DOCK2: variants seen among roughly 807,000 people sequenced by gnomAD.
DOCK2 encodes dedicator of cytokinesis 2.
DOCK2 carries 87 observed loss-of-function variants against 248.9 expected under a neutral mutation model. The observed-to-expected ratio is 0.35, with a 90% CI of 0.29 to 0.42. DOCK2 has a LOEUF of 0.42. Ranked by LOEUF, DOCK2 falls within the 10% of genes least tolerant of loss-of-function variation. The pLI, the probability that DOCK2 is intolerant of heterozygous loss-of-function variation, is 1.00. For missense variants in DOCK2, 1,747 were observed against 2,300.2 expected (o/e 0.76, Z 4.92); for synonymous variants, 805 against 821.6 (o/e 0.98, Z 0.35).
intron 27 of DOCK2, among the ~76,000 whole-genome samples, chr5:169,907,268 G>T (rs1774335108): frequency 6.6e-6 from 1 of 152,210 alleles, no homozygotes; most frequent in African/African-American, 2.4e-5. Flanking sequence ...ATACAGCGAT[G>T]TGCCCAAGTC....
At chr5:169,647,634 G>T (rs1705576761) in intron 1 of DOCK2, among the ~76,000 whole-genome samples, 1 of 152,090 alleles carries the variant, frequency 6.6e-6, no homozygotes, top group Non-Finnish European at 1.5e-5. Context: ...AGATGGCCCT[G>T]CCATTCATCC....
chr5:169,929,545 T>C (rs1375709594), intron 27 of DOCK2, among the ~76,000 whole-genome samples: 1 of 151,998 alleles, frequency 6.6e-6, no homozygotes, highest in Admixed American at 6.6e-5. Flanking sequence ...GAAAACAGCC[T>C]GGGCAACATG....
At chr5:169,857,748 GA>G (rs1770976875) in intron 27 of DOCK2, among the ~76,000 whole-genome samples, 5 of 147,260 alleles carry the variant, frequency 3.4e-5, no homozygotes, top group Admixed American at 2.7e-4. Context: ...AAAAAAAAAA[GA>G]AAAAAGAAAA....
Position 169,637,296 on chromosome 5 carries a change from C to T in DOCK2, c.-31C>T. 7.0e-7 allele frequency: 1 copy of T among 1,432,280 alleles called. No homozygotes were observed. The highest frequency in any genetic ancestry group is 9.1e-7 in the Non-Finnish European group (1 of 1,096,994). The allele number at this position is 1,432,280 out of a possible 1,614,324, so 88.7% of individuals were successfully genotyped here. A position where few individuals can be genotyped will look rare whatever the true frequency, so the allele number is the denominator to read the frequency against. ...GCCCAGCCACCCCCTGACGGCTTCC[C>T]CACGGGAGGACGCGAGGCCCCGGCC... is the stretch of plus-strand genomic sequence containing the variant. On this transcript the variant is annotated 5_prime_UTR_variant, in exon 1 of 52. Transcript: ENST00000520908.
At chr5:169,995,721 TTC>T (rs1251171694) in intron 29 of DOCK2, among the ~76,000 whole-genome samples, 1 of 152,222 alleles carries the variant, frequency 6.6e-6, no homozygotes. Flanking sequence ...GATGACAGTT[TTC>T]GTTAGGTGAT....
At chr5:170,041,977 C>A in intron 37 of DOCK2, 36 bp from the exon 38 acceptor site, 1 of 1,607,412 alleles carries the variant, frequency 6.2e-7, no homozygotes, top group South Asian at 1.1e-5. Context: ...GGCAGCCTCT[C>A]GGCCCTGTGT....
At chr5:169,658,491 A>G (rs998084995) in intron 2 of DOCK2, among the ~76,000 whole-genome samples, 8 of 151,332 alleles carry the variant, frequency 5.3e-5, no homozygotes, top group African/African-American at 1.9e-4. Flanking sequence ...AAAAAAAAAA[A>G]AAAAAAAAAA....
intron 27 of DOCK2, among the ~76,000 whole-genome samples, chr5:169,913,940 A>G (rs1216145937): frequency 2.0e-5 from 3 of 152,198 alleles, no homozygotes; most frequent in East Asian, 1.9e-4. Context: ...GATTGTGTCC[A>G]TTTCTACAGA....
At chr5:169,687,639 A>T (rs939152417) in intron 8 of DOCK2, among the ~76,000 whole-genome samples, 1 of 152,226 alleles carries the variant, frequency 6.6e-6, no homozygotes, top group African/African-American at 2.4e-5. Context: ...GGAAAATCTG[A>T]TGACTCAACT....
rs538066686 is a variant in DOCK2, at chr5:169,836,710, T to C, written c.2704-4047T>C. On this transcript the variant is annotated intron_variant, in intron 26 of 51. Coordinates refer to ENST00000520908, the MANE Select transcript of DOCK2 (RefSeq NM_004946.3). Reference sequence around the variant, plus strand: ...TAAGTAGATACTGTTTGCTGCCTGCTCTGACCTGAAGATTTTCCTCTTTGT... The same window carrying C: ...TAAGTAGATACTGTTTGCTGCCTGCCCTGACCTGAAGATTTTCCTCTTTGT... Among the ~76,000 whole-genome samples, 28 of 152,292 alleles carry C rather than the reference T, an allele frequency of 1.8e-4. 1 individual carries two copies. In the South Asian group the frequency reaches 5.6e-3, roughly 30 times the overall value.
chr5:170,077,645 G>T, intron 47 of DOCK2, 65 bp from the exon 48 acceptor site: 2 of 1,595,684 alleles, frequency 1.3e-6, no homozygotes, highest in South Asian at 2.3e-5. Flanking sequence ...GGAAGAAGGT[G>T]ACAGGAAGGC....
chr5:169,824,942 A>G (rs1188704404), intron 26 of DOCK2, among the ~76,000 whole-genome samples: 2 of 152,192 alleles, frequency 1.3e-5, no homozygotes, highest in African/African-American at 4.8e-5. Flanking sequence ...AAACAACCCC[A>G]TCAACAAGTG....
chr5:169,677,874 A>C (rs1342414724), intron 6 of DOCK2, among the ~76,000 whole-genome samples: 1 of 152,184 alleles, frequency 6.6e-6, no homozygotes, highest in East Asian at 1.9e-4. Context: ...CAGGGGTTTC[A>C]AAAAGGGAAG....
intron 27 of DOCK2, 36 bp downstream of exon 27, chr5:169,840,888 G>C: frequency 6.2e-7 from 1 of 1,601,758 alleles, no homozygotes; most frequent in African/African-American, 1.3e-5. Flanking sequence ...AATGTTGCAA[G>C]CTCTTCAGCA....
At chr5:169,639,744 G>A (rs1232598208) in intron 1 of DOCK2, among the ~76,000 whole-genome samples, 1 of 152,198 alleles carries the variant, frequency 6.6e-6, no homozygotes, top group African/African-American at 2.4e-5. Context: ...TAGCTGCAAG[G>A]GAAGCTAGGA....
chr5:169,720,550 C>G (rs1410463771), intron 22 of DOCK2, among the ~76,000 whole-genome samples: 1 of 152,006 alleles, frequency 6.6e-6, no homozygotes, highest in African/African-American at 2.4e-5. Context: ...GAAGCTCAGA[C>G]AACCAGCTGC....
intron 30 of DOCK2, among the ~76,000 whole-genome samples, chr5:169,999,762 C>T (rs1204137164): frequency 6.6e-6 from 1 of 152,204 alleles, no homozygotes; most frequent in Non-Finnish European, 1.5e-5. Flanking sequence ...CTGGAACACG[C>T]CTTGTCTCCT....
At chr5:169,681,233 C>G (rs1759645791) in intron 6 of DOCK2, among the ~76,000 whole-genome samples, 1 of 149,004 alleles carries the variant, frequency 6.7e-6, no homozygotes, top group South Asian at 2.2e-4. Context: ...AAGAAATTCT[C>G]CTGTCTCAGC....
Position 169,712,300 on chromosome 5 carries a change from T to C in DOCK2, c.1659+77T>C, listed in dbSNP as rs1260070675. ...GGGTGATGGCAAAATTGCTTAGTGGTCAACAGCAGGGACCCCAGAATCACA... is the reference window on the plus strand; with the variant it reads ...GGGTGATGGCAAAATTGCTTAGTGGCCAACAGCAGGGACCCCAGAATCACA... On this transcript the variant is annotated intron_variant, in intron 17 of 51. Coordinates refer to ENST00000520908, the MANE Select transcript of DOCK2 (RefSeq NM_004946.3). 1.3e-5 allele frequency: 17 copies of C among 1,325,078 alleles called. No homozygotes were observed. The Admixed American group carries it at 3.0e-4, about 23-fold the overall frequency. 82.1% of individuals were successfully genotyped at this position (1,325,078 alleles called of 1,614,324 possible).
Sources: gnomAD v4.1 joint callset for allele counts (sites outside exome capture counted in the v4.1 genomes callset) on GRCh38, gnomAD v4.1.1 for gene constraint, MANE v1.5 for transcripts, NCBI Gene and HGNC (gene_info 2026-07-23, HGNC 2026-07-21) for gene names.